Variants in UNC13C observed in about 807,000 individuals in gnomAD.
UNC13C encodes protein unc-13 homolog C.
Under a neutral mutation model 245.4 loss-of-function variants are expected in UNC13C, and 174 were observed. The observed-to-expected ratio is 0.71, with a 90% CI of 0.63 to 0.80. The LOEUF is 0.80. Among genes scored for constraint, UNC13C ranks in the 30% least tolerant of loss-of-function variants. The pLI is 0.00. For synonymous variants in UNC13C, 992 were observed against 895.1 expected (o/e 1.11, Z -1.93); for missense variants, 2,829 against 2,602.9 (o/e 1.09, Z -1.89).
chr15:54,078,189 G>T (rs922657747), intron 2 of UNC13C, among the ~76,000 whole-genome samples: 1 of 152,140 alleles, frequency 6.6e-6, no homozygotes, highest in Non-Finnish European at 1.5e-5. Context: ...TAGCTGTGTG[G>T]CATTCTATAG....
chr15:54,622,560 A>T, intron 31 of UNC13C, 141 bp downstream of exon 31: 1 of 598,328 alleles, frequency 1.7e-6, no homozygotes, highest in Non-Finnish European at 2.9e-6. Context: ...ATGAAACCCA[A>T]ACTTTTGATT....
chr15:54,271,582 A>G (rs2036689196), intron 10 of UNC13C, among the ~76,000 whole-genome samples: 2 of 152,182 alleles, frequency 1.3e-5, no homozygotes, highest in Non-Finnish European at 2.9e-5. Flanking sequence ...CTGTTCTCTG[A>G]GGACTCTATA....
intron 22 of UNC13C, among the ~76,000 whole-genome samples, chr15:54,504,522 G>A (rs1894379353): frequency 6.6e-6 from 1 of 152,166 alleles, no homozygotes; most frequent in South Asian, 2.1e-4. Flanking sequence ...TCATTCTGGT[G>A]TGATCAGAAT....
the UNC13C span, among the ~76,000 whole-genome samples, chr15:53,946,796 T>G: frequency 1.3e-5 from 2 of 151,874 alleles, no homozygotes; most frequent in Admixed American, 6.6e-5. Flanking sequence ...ATGAATCATA[T>G]TAACTGATTT....
At chr15:54,135,055 T>C (rs908702413) in intron 2 of UNC13C, among the ~76,000 whole-genome samples, 1 of 152,214 alleles carries the variant, frequency 6.6e-6, no homozygotes, top group Non-Finnish European at 1.5e-5. Context: ...TTTGTATTTC[T>C]CTGCTGATGA....
the UNC13C span, among the ~76,000 whole-genome samples, chr15:53,872,274 G>A: frequency 6.6e-6 from 1 of 152,028 alleles, no homozygotes; most frequent in Non-Finnish European, 1.5e-5. Context: ...AGTTTTTAAT[G>A]AGTTGGAAAG....
chr15:53,965,482 A>G, the UNC13C span, among the ~76,000 whole-genome samples: 13 of 151,776 alleles, frequency 8.6e-5, no homozygotes, highest in African/African-American at 3.1e-4. Context: ...CAGAATCCAA[A>G]TAATATTTAA....
At chr15:53,854,851 T>C in the UNC13C span, among the ~76,000 whole-genome samples, 2 of 152,218 alleles carry the variant, frequency 1.3e-5, no homozygotes, top group Non-Finnish European at 2.9e-5. Context: ...GGTAGTTTAA[T>C]GGAGATGGCA....
chr15:54,225,649 C>T (rs572689898), intron 4 of UNC13C, among the ~76,000 whole-genome samples: 19 of 152,280 alleles, frequency 1.2e-4, no homozygotes, highest in African/African-American at 2.2e-4. Context: ...GATTTTTGCA[C>T]GCTGATTTTG....
chr15:54,470,494 T>C (rs1412436772), intron 19 of UNC13C, among the ~76,000 whole-genome samples: 4 of 151,596 alleles, frequency 2.6e-5, no homozygotes, highest in African/African-American at 9.7e-5. Context: ...TTTTAGGACT[T>C]TATCCATTTC....
chr15:54,141,924 G>T (rs1232689677), intron 2 of UNC13C, among the ~76,000 whole-genome samples: 1 of 152,038 alleles, frequency 6.6e-6, no homozygotes, highest in Non-Finnish European at 1.5e-5. Flanking sequence ...ATTTTCATCT[G>T]TAAGGGTCAT....
the UNC13C span, chr15:53,913,456 C>T: frequency 6.6e-6 from 1 of 152,198 alleles, no homozygotes; most frequent in Non-Finnish European, 1.5e-5. Flanking sequence ...TGGGTGTGTT[C>T]ATGGATAACC....
At chr15:53,850,576 A>G in the UNC13C span, among the ~76,000 whole-genome samples, 19 of 152,262 alleles carry the variant, frequency 1.2e-4, no homozygotes, top group African/African-American at 4.6e-4. Context: ...GCACTGAAAC[A>G]ATGTCTTTTA....
chr15:54,349,394 C>T (rs1349242079), intron 17 of UNC13C, among the ~76,000 whole-genome samples: 1 of 151,294 alleles, frequency 6.6e-6, no homozygotes, highest in Non-Finnish European at 1.5e-5. Flanking sequence ...AAAAATGAAA[C>T]CATAATAAAT....
intron 17 of UNC13C, among the ~76,000 whole-genome samples, chr15:54,346,529 A>G (rs2038863270): frequency 6.6e-6 from 1 of 152,254 alleles, no homozygotes; most frequent in Non-Finnish European, 1.5e-5. Context: ...CAGTCTGATT[A>G]TTTAAATGTG....
intron 19 of UNC13C, among the ~76,000 whole-genome samples, chr15:54,452,571 T>C (rs1891239038): frequency 6.6e-6 from 1 of 152,338 alleles, no homozygotes; most frequent in African/African-American, 2.4e-5. Flanking sequence ...CTGGACAGCA[T>C]GCTCAGGTAC....
chr15:54,448,499 T>C (rs1053933211), intron 19 of UNC13C, among the ~76,000 whole-genome samples: 1 of 152,218 alleles, frequency 6.6e-6, no homozygotes, highest in Non-Finnish European at 1.5e-5. Flanking sequence ...TAGCTCTTCT[T>C]GTTGAATTGA....
chr15:54,330,196 A>T (rs1027502505), intron 14 of UNC13C, among the ~76,000 whole-genome samples: 2 of 152,038 alleles, frequency 1.3e-5, no homozygotes, highest in Admixed American at 6.6e-5. Flanking sequence ...CCTAACAAAG[A>T]ATTATACAGC....
intron 2 of UNC13C, among the ~76,000 whole-genome samples, chr15:54,093,243 C>A (rs570558634): frequency 6.7e-5 from 10 of 149,488 alleles, no homozygotes; most frequent in African/African-American, 2.2e-4. Flanking sequence ...CCCAATAAAA[C>A]TTGAGTCAGC....
Sources: allele counts gnomAD v4.1 joint callset (sites outside exome capture counted in the v4.1 genomes callset), GRCh38; gene constraint gnomAD v4.1.1; transcripts MANE v1.5; gene names NCBI Gene and HGNC (gene_info 2026-07-23, HGNC 2026-07-21).